PUM1: variants seen among roughly 807,000 people sequenced by gnomAD.
PUM1 encodes the protein pumilio homolog 1.
PUM1 carries 13 observed loss-of-function variants against 131.8 expected under a neutral mutation model. The ratio of observed to expected loss-of-function variants is 0.10; its 90% CI spans 0.06 to 0.16. The LOEUF (loss-of-function observed/expected upper bound fraction) is 0.16, where lower values mean the gene tolerates loss of function less well. PUM1 is among the 10% of genes least tolerant of loss of function. The pLI, the probability that PUM1 is intolerant of heterozygous loss-of-function variation, is 1.00. For missense variants in PUM1, 961 were observed against 1,512.4 expected, an observed-to-expected ratio of 0.64 and a Z score of 6.05; for synonymous variants, 509 against 556.5, an observed-to-expected ratio of 0.91 and a Z score of 1.20.
intron 2 of PUM1, among the ~76,000 whole-genome samples, chr1:31,040,485 A>C (rs1643780619): frequency 6.6e-6 from 1 of 152,218 alleles, no homozygotes; most frequent in South Asian, 2.1e-4. Context: ...AAACTACATA[A>C]ATAAAAATAG....
chr1:31,040,387 A>C (rs1050381100), intron 2 of PUM1, among the ~76,000 whole-genome samples: 4 of 152,238 alleles, frequency 2.6e-5, no homozygotes, highest in African/African-American at 4.8e-5. Context: ...AAAGGAGTAC[A>C]TTTATCAGAG....
intron 7 of PUM1, among the ~76,000 whole-genome samples, chr1:30,990,546 G>GA (rs1472483547): frequency 6.6e-6 from 1 of 152,094 alleles, no homozygotes; most frequent in African/African-American, 2.4e-5. Context: ...ATTTCCAATA[G>GA]AAAAGGAATC....
In PUM1 at chr1:30,933,179, G is replaced by A. The variant is rs1639026560; in HGVS notation, c.*32C>T. 1 of 1,594,762 alleles carries A rather than the reference G, an allele frequency of 6.3e-7. No individual in the cohort carries two copies. Among genetic ancestry groups the A allele is most frequent in the South Asian group, 1.1e-5 (1 of 88,526 alleles). ...ATTTGCCAGTGGGCCAGTGAGGTCA[G>A]CGGGAATGAGGGAACAGCGGGTGAC... is the stretch of plus-strand genomic sequence containing the variant. On this transcript the variant is annotated 3_prime_UTR_variant, in exon 22 of 22. Coordinates refer to ENST00000426105, the MANE Select transcript of PUM1 (RefSeq NM_001020658.2).
chr1:30,996,942 A>G (rs1332559769), intron 5 of PUM1, among the ~76,000 whole-genome samples: 1 of 135,900 alleles, frequency 7.4e-6, no homozygotes, highest in Non-Finnish European at 1.5e-5. Flanking sequence ...TAAAAGGAAC[A>G]AAAAAATCAT....
chr1:30,934,094 G>A (rs957249407), intron 21 of PUM1, among the ~76,000 whole-genome samples: 8 of 152,162 alleles, frequency 5.3e-5, no homozygotes, highest in Admixed American at 1.3e-4. Context: ...TCCGACCTAT[G>A]CTCTGAGTCA....
At chr1:31,050,094 G>A (rs1396453026) in intron 2 of PUM1, among the ~76,000 whole-genome samples, 2 of 151,898 alleles carry the variant, frequency 1.3e-5, no homozygotes, top group Non-Finnish European at 2.9e-5. Context: ...GCCTCCCAAA[G>A]TGCTGGGATT....
At chr1:31,032,335 T>C (rs1240237350) in intron 2 of PUM1, among the ~76,000 whole-genome samples, 1 of 152,220 alleles carries the variant, frequency 6.6e-6, no homozygotes, top group Non-Finnish European at 1.5e-5. Context: ...CTGTAAGAAA[T>C]ATTTGTAAGA....
In PUM1 at chr1:30,953,771, T is replaced by G; in HGVS notation, c.2534A>C (p.Gln845Pro). ...TATATGTCCAGCAATCTCCCGCAGT[T>G]GTAAATTGGGGTACCGGTTGTTTCG... ...DFRNNRYPNLQLREIAGHIME... is the reference protein window; with the variant it reads ...DFRNNRYPNLPLREIAGHIME... Residue 845 changes from glutamine to proline, a missense_variant, in exon 15 of 22, where the codon CAA becomes CCA. Gln to Pro is a moderately conservative substitution (Grantham distance 76). Around this residue, in one of 4 missense-constraint regions of PUM1, gnomAD observed 117 missense variants for 200.7 expected, o/e 0.58. Coordinates refer to ENST00000426105, the MANE Select transcript of PUM1 (RefSeq NM_001020658.2). 1 of 1,614,198 alleles carries G rather than the reference T, an allele frequency of 6.2e-7. No homozygotes were observed. The highest frequency in any genetic ancestry group is 1.3e-5 in the African/African-American group (1 of 75,056).
intron 2 of PUM1, among the ~76,000 whole-genome samples, chr1:31,033,057 G>GAA (rs201722845): frequency 1.3e-4 from 18 of 143,796 alleles, no homozygotes; most frequent in Admixed American, 4.9e-4. Context: ...TACAAAAAAA[G>GAA]AAAAAAAAAA....
chr1:31,021,571 T>C (rs1273709121), intron 3 of PUM1, among the ~76,000 whole-genome samples: 1 of 152,164 alleles, frequency 6.6e-6, no homozygotes, highest in South Asian at 2.1e-4. Context: ...CATCACCATA[T>C]ATACACAAAT....
chr1:30,956,196 A>AT (rs529722603), intron 14 of PUM1, among the ~76,000 whole-genome samples: 3 of 152,254 alleles, frequency 2.0e-5, no homozygotes, highest in South Asian at 2.1e-4. Context: ...ATGAAAAGTG[A>AT]TTTTTTTAAG....
chr1:30,950,081 T>C (rs760303192), intron 17 of PUM1, 46 bp downstream of exon 17: 1 of 1,590,784 alleles, frequency 6.3e-7, no homozygotes, highest in African/African-American at 1.4e-5. Flanking sequence ...ACATGTACCA[T>C]GGAGAAACAT....
chr1:31,002,817 G>T (rs1336692750), intron 5 of PUM1, among the ~76,000 whole-genome samples: 6 of 152,162 alleles, frequency 3.9e-5, no homozygotes, highest in African/African-American at 1.4e-4. Flanking sequence ...GATTCTTCTT[G>T]TTAGCCAGAA....
chr1:30,955,334 G>A (rs1486766612), intron 14 of PUM1, among the ~76,000 whole-genome samples: 1 of 150,282 alleles, frequency 6.7e-6, no homozygotes, highest in African/African-American at 2.4e-5. Context: ...GGGCGTGGTG[G>A]CAGGTGCCTG....
chr1:31,023,645 A>G (rs536410050), intron 3 of PUM1, among the ~76,000 whole-genome samples: 2 of 152,254 alleles, frequency 1.3e-5, no homozygotes, highest in South Asian at 4.1e-4. Context: ...AAAGAACCCA[A>G]CGAAGCCAGG....
chr1:31,055,610 C>G (rs1644219138), intron 2 of PUM1, among the ~76,000 whole-genome samples: 1 of 152,172 alleles, frequency 6.6e-6, no homozygotes, highest in South Asian at 2.1e-4. Context: ...ATTCCAAGGT[C>G]ACTGGTTTAG....
At chr1:30,994,353 C>T (rs767510586) in intron 6 of PUM1, among the ~76,000 whole-genome samples, 5 of 152,040 alleles carry the variant, frequency 3.3e-5, no homozygotes, top group Non-Finnish European at 7.4e-5. Flanking sequence ...AAATCCTCTA[C>T]CTGTATATAT....
intron 3 of PUM1, among the ~76,000 whole-genome samples, chr1:31,026,321 C>T (rs550036287): frequency 6.6e-6 from 1 of 151,588 alleles, no homozygotes; most frequent in Non-Finnish European, 1.5e-5. Flanking sequence ...GCTGTTCTCC[C>T]GTTGCTGCAA....
At chr1:31,010,789 G>A (rs1400538823) in intron 3 of PUM1, among the ~76,000 whole-genome samples, 1 of 152,206 alleles carries the variant, frequency 6.6e-6, no homozygotes, top group Non-Finnish European at 1.5e-5. Context: ...AATCATGACT[G>A]CAGCTTGTGA....
Sources: allele counts gnomAD v4.1 joint callset (sites outside exome capture counted in the v4.1 genomes callset), GRCh38; gene constraint gnomAD v4.1.1; regional missense constraint gnomAD v4.1.1; transcripts MANE v1.5; gene names NCBI Gene and HGNC (gene_info 2026-07-23, HGNC 2026-07-21).